The following FAT2 variants were observed in gnomAD, a reference collection of about 807,000 sequenced individuals.
The protein encoded by FAT2 is protocadherin Fat 2.
Under a neutral mutation model 295.3 loss-of-function variants are expected in FAT2, and 150 were observed. That is an observed-to-expected ratio of 0.51 (90% CI 0.44 to 0.58). The LOEUF is 0.58. Among genes scored for constraint, FAT2 ranks in the 20% least tolerant of loss-of-function variants. The pLI, the probability that FAT2 is intolerant of heterozygous loss-of-function variation, is 0.00. For missense variants in FAT2, 4,868 were observed against 5,442.7 expected (o/e 0.89, Z 3.32); for synonymous variants, 2,026 against 2,150.3 (o/e 0.94, Z 1.60).
In FAT2 at chr5:151,565,662, AC is replaced by A; in HGVS notation, c.3259+10del. 2.4e-6 allele frequency: 1 copy of A among 419,680 alleles called. No homozygotes were observed. Among genetic ancestry groups the A allele is most frequent in the Non-Finnish European group, 4.1e-6 (1 of 246,436 alleles). 26.0% of individuals were successfully genotyped at this position (419,680 alleles called of 1,614,324 possible). ...TGGCCCTGGCACCCCACCCTACCCC[AC>A]CCCCAGTACCTGTATCTTGGTTGAT... On this transcript the variant is annotated intron_variant, in intron 2 of 23. Transcript: ENST00000261800.
chr5:151,543,746 A>G lies in FAT2; in HGVS notation c.7381T>C (p.Phe2461Leu). The G allele has an allele frequency of 6.2e-7, 1 of 1,614,236 alleles. No homozygotes were observed. The highest frequency in any genetic ancestry group is 8.5e-7 in the Non-Finnish European group (1 of 1,180,044). Residue 2461 changes from phenylalanine to leucine, a missense_variant, in exon 10 of 24, where the codon TTC (phenylalanine) becomes CTC (leucine). Around this residue, in one of 5 missense-constraint regions of FAT2, gnomAD observed 3,297 missense variants for 3,669.4 expected, o/e 0.90. Transcript: ENST00000261800. ...NLRVGASDGV[F>L]RATVPVYINT... ...ATGTACACAGGCACAGTTGCTCGGA[A>G]GACTCCATCAGAAGCACCTACCCTC... is the stretch of plus-strand genomic sequence containing the variant.
At chr5:151,540,420 C>T (rs1053949942) in intron 11 of FAT2, 147 bp downstream of exon 11, 2 of 554,614 alleles carry the variant, frequency 3.6e-6, no homozygotes, top group Non-Finnish European at 6.5e-6. Flanking sequence ...TGTTCTCCTG[C>T]CCCTCAATCT....
At chr5:151,546,841 C>A (rs1269914561) in intron 9 of FAT2, among the ~76,000 whole-genome samples, 8 of 152,068 alleles carry the variant, frequency 5.3e-5, no homozygotes, top group African/African-American at 1.4e-4. Context: ...GCCTCAGCCT[C>A]TGGTGGGATT....
intron 4 of FAT2, 91 bp downstream of exon 4, chr5:151,556,253 C>T: frequency 1.9e-6 from 2 of 1,080,516 alleles, no homozygotes; most frequent in Non-Finnish European, 2.9e-6. Flanking sequence ...AACCCAGACC[C>T]TCCTCAGCCA....
At position 151,512,994 on chromosome 5, in the gene FAT2, TC is replaced by T. The variant is rs1220098382; in HGVS notation, c.11464-389del. On this transcript the variant is annotated intron_variant, in intron 20 of 23. Coordinates refer to ENST00000261800, the MANE Select transcript of FAT2 (RefSeq NM_001447.3). The surrounding 1 kb of genome is among the most constrained non-coding windows in gnomAD (Gnocchi z 4.1). ...CTGTCTCCCACTCCCACTTCCTTAT[TC>T]AACAGCTTAGCAGTTCTCAAAGTAG... is the stretch of plus-strand genomic sequence containing the variant. 6.6e-6 allele frequency among the ~76,000 whole-genome samples: 1 copy of T among 152,242 alleles called. No homozygotes were observed. The highest frequency in any genetic ancestry group is 1.9e-4 in the East Asian group (1 of 5,204).
chr5:151,563,595 A>G lies in FAT2; in HGVS notation c.3304T>C (p.Tyr1102His), dbSNP rs1355863321. 1 of 1,614,206 alleles carries G rather than the reference A, an allele frequency of 6.2e-7. No individual in the cohort carries two copies. Among genetic ancestry groups the G allele is most frequent in the Non-Finnish European group, 8.5e-7 (1 of 1,180,028 alleles). Reference protein sequence around the residue: ...LAPLDREFASYYWLTVLAVDR... With the variant: ...LAPLDREFASHYWLTVLAVDR... ...ACTGCTAATACCGTCAACCAGTAGT[A>G]AGATGCAAATTCTCGGTCCAGGGGT... Residue 1102 changes from tyrosine (Y) to histidine (H), a missense_variant, in exon 3 of 24, where the codon TAC (tyrosine) becomes CAC (histidine). Coordinates refer to ENST00000261800, the MANE Select transcript of FAT2 (RefSeq NM_001447.3).
At chr5:151,591,498 A>AAATC (rs1759405004), upstream of FAT2, among the ~76,000 whole-genome samples, 1 of 152,130 alleles carries the variant, frequency 6.6e-6, no homozygotes, top group Admixed American at 6.5e-5. Context: ...AGGAGCTGAG[A>AAATC]AATCAGGCCC....
Position 151,517,729 on chromosome 5 carries a change from C to T in FAT2, c.11354G>A (p.Arg3785Gln), listed in dbSNP as rs139138684. Residue 3785 changes from arginine to glutamine, a missense_variant, in exon 20 of 24, where the codon CGG becomes CAG. Physicochemically the swap from Arg to Gln is conservative, Grantham distance 43. Transcript: ENST00000261800. ...ATRFSGQSYV[R>Q]YRAPAARNWH... ...GTTCCGAGCCGCTGGGGCCCTGTAC[C>T]GCACATAGCTCTGACCACTGAACCT... The T allele has an allele frequency of 1.7e-3, 2,714 of 1,614,186 alleles. 1 individual carries two copies. Among genetic ancestry groups the T allele is most frequent in the Non-Finnish European group, 1.9e-3 (2,293 of 1,180,022 alleles).
At position 151,521,916 on chromosome 5, in the gene FAT2, G is replaced by A. The variant is rs1237029182; in HGVS notation, c.10677C>T (p.Asp3559=). The A allele has an allele frequency of 1.2e-6, 2 of 1,614,012 alleles. No homozygotes were observed. The highest frequency in any genetic ancestry group is 1.7e-6 in the Non-Finnish European group (2 of 1,179,866). Reference sequence around the variant, plus strand: ...GGCTATAGGTCAGCGTGTCCTGGGGGTCTCGGTCTGTGGCATGGATCTTAC... The same window carrying A: ...GGCTATAGGTCAGCGTGTCCTGGGGATCTCGGTCTGTGGCATGGATCTTAC... ...MVGKIHATDR[D]PQDTLTYSLA... Residue 3559 remains aspartate (D), a synonymous_variant, in exon 19 of 24, where the codon GAC becomes GAT. Coordinates refer to ENST00000261800, the MANE Select transcript of FAT2 (RefSeq NM_001447.3).
intron 20 of FAT2, among the ~76,000 whole-genome samples, chr5:151,515,374 C>G (rs1355047602): frequency 2.0e-5 from 3 of 152,182 alleles, no homozygotes; most frequent in Non-Finnish European, 4.4e-5. Context: ...TTGGTGATCT[C>G]CCATCTCATG....
intron 1 of FAT2, among the ~76,000 whole-genome samples, chr5:151,576,153 A>G (rs114835897): frequency 0.014 from 2,078 of 152,296 alleles, 47 homozygotes; most frequent in African/African-American, 0.048. Context: ...AAAAATTGAG[A>G]TCTTAATATG....
intron 1 of FAT2, among the ~76,000 whole-genome samples, chr5:151,588,545 C>T (rs1166986367): frequency 6.6e-6 from 1 of 152,176 alleles, no homozygotes; most frequent in African/African-American, 2.4e-5. Context: ...CAGCAGTTCT[C>T]ATCTATGAAT....
chr5:151,511,868 T>A lies in FAT2; in HGVS notation c.11905+297A>T. ...AGGGGAATGAGAAGGAGACTGTGCA[T>A]AGACCAGTGATGACACTAAGGTATG... On this transcript the variant is annotated intron_variant, in intron 21 of 23. Coordinates refer to ENST00000261800, the MANE Select transcript of FAT2 (RefSeq NM_001447.3). 9.8e-6 allele frequency: 4 copies of A among 410,188 alleles called. No homozygotes were observed. The South Asian group carries it at 1.5e-4, about 15-fold the overall frequency. 25.4% of individuals were successfully genotyped at this position (410,188 alleles called of 1,614,324 possible). A position where few individuals can be genotyped will look rare whatever the true frequency, so the allele number is the denominator to read the frequency against.
Position 151,567,037 on chromosome 5 carries a change from T to G in FAT2, c.1895A>C (p.Gln632Pro). The G allele has an allele frequency of 6.2e-7, 1 of 1,614,078 alleles. No homozygotes were observed. Among genetic ancestry groups the G allele is most frequent in the Non-Finnish European group, 8.5e-7 (1 of 1,179,934 alleles). Residue 632 changes from glutamine (Q) to proline (P), a missense_variant, in exon 2 of 24, where the codon CAA becomes CCA. Coordinates refer to ENST00000261800, the MANE Select transcript of FAT2 (RefSeq NM_001447.3). ...AATCTTCAGGGAATAACTGGTGGGT[T>G]GACCAGCAGTAAGATTGATAAAAGG... ...KRPFINLTAGQPTSYSLKITA... is the reference protein window; with the variant it reads ...KRPFINLTAGPPTSYSLKITA...
At position 151,505,232 on chromosome 5, in the gene FAT2, C is replaced by G. The variant is rs165342; in HGVS notation, c.*333G>C. The stretch of plus-strand genomic sequence containing the variant: ...TTGAGCCAGCACAGTCAATCAGGCT[C>G]TGCCCCGGGGACTGAGAGCCGGCAG... On this transcript the variant is annotated 3_prime_UTR_variant, in exon 24 of 24. Coordinates refer to ENST00000261800, the MANE Select transcript of FAT2 (RefSeq NM_001447.3). 9.9e-5 allele frequency: 41 copies of G among 412,992 alleles called. 1 individual carries two copies. The South Asian group carries it at 1.0e-3, about 10-fold the overall frequency. 25.6% of individuals were successfully genotyped at this position (412,992 alleles called of 1,614,324 possible).
At chr5:151,593,208 G>C (rs77917823), upstream of FAT2, among the ~76,000 whole-genome samples, 2,190 of 152,332 alleles carry the variant, frequency 0.014, 55 homozygotes, top group African/African-American at 0.05. Context: ...AAGCCTCCAA[G>C]TTTGGTCCGA....
chr5:151,551,734 G>C (rs550297562), intron 6 of FAT2, 128 bp from the exon 7 acceptor site: 1 of 867,400 alleles, frequency 1.2e-6, no homozygotes, highest in Non-Finnish European at 1.7e-6. Context: ...CTGAGTGACA[G>C]GTTGTAGTTT....
intron 22 of FAT2, 49 bp downstream of exon 22, chr5:151,509,972 C>T (rs771716240): frequency 2.2e-5 from 36 of 1,600,418 alleles, no homozygotes; most frequent in Middle Eastern, 3.9e-4. Flanking sequence ...GAGTACAGAG[C>T]GCATTCCCTA....
At chr5:151,515,292 C>A (rs1335761548) in intron 20 of FAT2, among the ~76,000 whole-genome samples, 1 of 152,194 alleles carries the variant, frequency 6.6e-6, no homozygotes, top group Non-Finnish European at 1.5e-5. Context: ...ATCCCCTCTT[C>A]CCCCAGACCT....
Sources: allele counts gnomAD v4.1 joint callset (sites outside exome capture counted in the v4.1 genomes callset), GRCh38; gene constraint gnomAD v4.1.1; regional missense constraint gnomAD v4.1.1; non-coding constraint Gnocchi (gnomAD v3.1); transcripts MANE v1.5; gene names NCBI Gene and HGNC (gene_info 2026-07-23, HGNC 2026-07-21).